The following EYA4 variants were observed in gnomAD, a reference collection of about 807,000 sequenced individuals.
The protein encoded by EYA4 is EYA transcriptional coactivator and phosphatase 4, also known as protein phosphatase EYA4.
Under a neutral mutation model 87.9 loss-of-function variants are expected in EYA4, and 31 were observed. The ratio of observed to expected loss-of-function variants is 0.35; its 90% CI spans 0.27 to 0.48. The LOEUF is 0.48. Among genes scored for constraint, EYA4 ranks in the 20% least tolerant of loss-of-function variants. The pLI is 0.99. For missense variants in EYA4, 678 were observed against 761.4 expected (o/e 0.89, Z 1.29); for synonymous variants, 263 against 270.6 (o/e 0.97, Z 0.28).
intron 2 of EYA4, among the ~76,000 whole-genome samples, chr6:133,325,018 T>C (rs1781390973): frequency 6.6e-6 from 1 of 151,440 alleles, no homozygotes; most frequent in Admixed American, 6.6e-5. Context: ...TCACACCATT[T>C]TCCTGTCTCA....
chr6:133,326,427 T>A (rs988978050), intron 2 of EYA4, among the ~76,000 whole-genome samples: 7 of 152,204 alleles, frequency 4.6e-5, no homozygotes, highest in African/African-American at 1.7e-4. Context: ...AATGCAAATA[T>A]TCCAAAATCT....
At position 133,394,282 on chromosome 6, in the gene EYA4, GTGTTTTTTTTTTTTTTTTTTT is replaced by G. The variant is rs1461419670; in HGVS notation, c.83+11843_83+11863del. On this transcript the variant is annotated intron_variant, in intron 3 of 19. Transcript: ENST00000355286. Reference sequence around the variant, plus strand: ...GTTGGAAAAATGTATATATAAGCTTGTGTTTTTTTTTTTTTTTTTTTTTTTTTTTTTTTTTTGGTCATCGAA... The same window carrying G: ...GTTGGAAAAATGTATATATAAGCTTGTTTTTTTTTTTTTTTGGTCATCGAA... 3.7e-5 allele frequency among the ~76,000 whole-genome samples: 4 copies of G among 107,846 alleles called. No homozygotes were observed. The East Asian group carries it at 8.1e-4, about 22-fold the overall frequency. 70.8% of individuals were successfully genotyped at this position (107,846 alleles called of 152,430 possible).
At chr6:133,273,176 G>C (rs1776877608) in intron 1 of EYA4, among the ~76,000 whole-genome samples, 1 of 151,268 alleles carries the variant, frequency 6.6e-6, no homozygotes, top group African/African-American at 2.4e-5. Flanking sequence ...TAGGCTGCTT[G>C]CAAGCTGAGG....
At chr6:133,407,581 A>G (rs757924025) in intron 3 of EYA4, among the ~76,000 whole-genome samples, 8 of 152,128 alleles carry the variant, frequency 5.3e-5, no homozygotes, top group Non-Finnish European at 1.0e-4. Flanking sequence ...TCCCTGTGCC[A>G]CAGATAACAT....
At chr6:133,408,738 G>A (rs773005436) in intron 3 of EYA4, among the ~76,000 whole-genome samples, 11 of 152,150 alleles carry the variant, frequency 7.2e-5, no homozygotes, top group African/African-American at 1.7e-4. Flanking sequence ...AGTGCCTGGC[G>A]CGACTAAGTA....
chr6:133,330,398 G>A (rs1189820867), intron 2 of EYA4, among the ~76,000 whole-genome samples: 3 of 152,004 alleles, frequency 2.0e-5, no homozygotes. Flanking sequence ...TAATTACAAT[G>A]AAGTTTTTTG....
chr6:133,363,634 C>T (rs1190797154), intron 2 of EYA4, among the ~76,000 whole-genome samples: 1 of 109,506 alleles, frequency 9.1e-6, no homozygotes, highest in African/African-American at 3.2e-5. Context: ...GCTGCCACGC[C>T]TGGCTATTTT....
chr6:133,385,430 TGTGTGTGTGTGAGA>T (rs1204985493), intron 3 of EYA4, among the ~76,000 whole-genome samples: 3 of 146,604 alleles, frequency 2.0e-5, no homozygotes, highest in African/African-American at 2.6e-5. Flanking sequence ...TGTGTGTGTG[TGTGTGTGTGTGAGA>T]GAGAGAGAGA....
intron 13 of EYA4, among the ~76,000 whole-genome samples, chr6:133,489,596 T>C (rs941831274): frequency 6.6e-6 from 1 of 151,918 alleles, no homozygotes; most frequent in African/African-American, 2.4e-5. Flanking sequence ...GGGAGTGGCA[T>C]GACATTTTTA....
intron 2 of EYA4, among the ~76,000 whole-genome samples, chr6:133,381,265 A>G (rs1040139187): frequency 6.6e-6 from 1 of 152,006 alleles, no homozygotes. Flanking sequence ...GATTTCCCAG[A>G]TTATAAAAAT....
chr6:133,340,300 A>G (rs1430187335), intron 2 of EYA4, among the ~76,000 whole-genome samples: 3 of 152,200 alleles, frequency 2.0e-5, no homozygotes, highest in Admixed American at 2.0e-4. Context: ...TCTTTGCCAA[A>G]TTGATTTTGG....
intron 5 of EYA4, among the ~76,000 whole-genome samples, chr6:133,451,740 G>T (rs1200120798): frequency 1.3e-5 from 2 of 152,150 alleles, no homozygotes; most frequent in Non-Finnish European, 2.9e-5. Flanking sequence ...GGGAATATTT[G>T]ATTCTACATG....
chr6:133,439,049 CAAAAAAA>C (rs56261819), intron 3 of EYA4, among the ~76,000 whole-genome samples: 72 of 64,032 alleles, frequency 1.1e-3, no homozygotes, highest in African/African-American at 4.2e-3. Context: ...GACTCCGTCT[CAAAAAAA>C]AAAAAAAAAA....
intron 2 of EYA4, among the ~76,000 whole-genome samples, chr6:133,289,678 A>T (rs1778332954): frequency 6.6e-6 from 1 of 152,210 alleles, no homozygotes; most frequent in Non-Finnish European, 1.5e-5. Flanking sequence ...CATAAATATG[A>T]TTGGGTCAAA....
chr6:133,397,926 C>A (rs1428916803), intron 3 of EYA4, among the ~76,000 whole-genome samples: 7 of 152,122 alleles, frequency 4.6e-5, no homozygotes, highest in Non-Finnish European at 8.8e-5. Context: ...GGGTCTTTCC[C>A]ACAACATGTG....
intron 3 of EYA4, among the ~76,000 whole-genome samples, chr6:133,434,409 G>A (rs1170529713): frequency 6.6e-6 from 1 of 151,924 alleles, no homozygotes; most frequent in African/African-American, 2.4e-5. Context: ...TATTGTCTGT[G>A]TTGTAGAAGT....
Position 133,531,169 on chromosome 6 carries a change from A to G in EYA4, c.*2364A>G. On this transcript the variant is annotated 3_prime_UTR_variant, in exon 20 of 20. Coordinates refer to ENST00000355286, the MANE Select transcript of EYA4 (RefSeq NM_004100.5). Reference sequence around the variant, plus strand: ...GCCGGCTGGTTGCATCACCCCGTGCAGTTTCTCACACACATCTCTTTTTCT... The same window carrying G: ...GCCGGCTGGTTGCATCACCCCGTGCGGTTTCTCACACACATCTCTTTTTCT... 1.3e-6 allele frequency: 2 copies of G among 1,534,752 alleles called. No homozygotes were observed. Among genetic ancestry groups the G allele is most frequent in the Non-Finnish European group, 1.7e-6 (2 of 1,146,538 alleles).
intron 1 of EYA4, among the ~76,000 whole-genome samples, chr6:133,253,349 G>A (rs1403093295): frequency 6.6e-6 from 1 of 152,066 alleles, no homozygotes; most frequent in Non-Finnish European, 1.5e-5. Flanking sequence ...AAGCCTAGTA[G>A]CCCTTTAGTT....
intron 2 of EYA4, among the ~76,000 whole-genome samples, chr6:133,358,596 A>G (rs1257622021): frequency 6.6e-6 from 1 of 152,174 alleles, no homozygotes; most frequent in Non-Finnish European, 1.5e-5. Context: ...TCTAAACATT[A>G]TTTTACATGT....
Sources: allele counts gnomAD v4.1 joint callset (sites outside exome capture counted in the v4.1 genomes callset), GRCh38; gene constraint gnomAD v4.1.1; transcripts MANE v1.5; gene names NCBI Gene and HGNC (gene_info 2026-07-23, HGNC 2026-07-21).